The following MYCBP2 variants were observed in gnomAD, a reference collection of about 807,000 sequenced individuals.
MYCBP2 encodes MYC binding protein 2.
A neutral mutation model predicts 525.3 loss-of-function variants in MYCBP2; 120 were observed. That is an observed-to-expected ratio of 0.23 (90% confidence interval 0.20 to 0.27). The LOEUF is 0.27. Ranked by LOEUF, MYCBP2 falls within the 10% of genes least tolerant of loss-of-function variation. The pLI, the probability that MYCBP2 is intolerant of heterozygous loss-of-function variation, is 1.00. For synonymous variants in MYCBP2, 1,894 were observed against 1,955.8 expected (o/e 0.97, Z 0.83); for missense variants, 4,149 against 5,657.1 (o/e 0.73, Z 8.55).
intron 55 of MYCBP2, among the ~76,000 whole-genome samples, chr13:77,104,397 A>G (rs73239467): frequency 0.034 from 5,154 of 152,210 alleles, 105 homozygotes; most frequent in Middle Eastern, 0.085. Flanking sequence ...CAAAGTCCCT[A>G]TTCTCACAGA....
chr13:77,257,866 A>G, intron 13 of MYCBP2, 37 bp from the exon 14 acceptor site: 2 of 1,562,236 alleles, frequency 1.3e-6, no homozygotes, highest in South Asian at 2.4e-5. Flanking sequence ...AAACAACAAA[A>G]AGGCCCTTCT....
intron 1 of MYCBP2, among the ~76,000 whole-genome samples, chr13:77,325,405 G>A (rs2082167454): frequency 1.3e-5 from 2 of 152,172 alleles, no homozygotes; most frequent in South Asian, 4.1e-4. Context: ...CAAAGCTGGT[G>A]AAACAAGTCA....
intron 4 of MYCBP2, among the ~76,000 whole-genome samples, chr13:77,275,378 G>C (rs998638181): frequency 6.6e-6 from 1 of 152,082 alleles, no homozygotes; most frequent in Non-Finnish European, 1.5e-5. Context: ...CCACATTCTA[G>C]CCATATTGCT....
chr13:77,268,079 TATA>T, intron 7 of MYCBP2, 142 bp from the exon 8 acceptor site: 2 of 585,710 alleles, frequency 3.4e-6, no homozygotes, highest in Non-Finnish European at 6.0e-6. Flanking sequence ...TGATTAAAAA[TATA>T]AGAACATTCC....
chr13:77,079,605 A>C (rs547254506), intron 65 of MYCBP2, among the ~76,000 whole-genome samples: 1 of 152,304 alleles, frequency 6.6e-6, no homozygotes, highest in East Asian at 1.9e-4. Context: ...AGGAACATGG[A>C]GGTACATAAC....
chr13:77,179,202 A>T (rs74098714), intron 34 of MYCBP2, among the ~76,000 whole-genome samples: 3,545 of 152,274 alleles, frequency 0.023, 135 homozygotes, highest in African/African-American at 0.08. Flanking sequence ...TAAATTTTTT[A>T]AAAAAAGCAA....
chr13:77,093,094 C>T, intron 59 of MYCBP2, 71 bp downstream of exon 59: 1 of 1,435,132 alleles, frequency 7.0e-7, no homozygotes, highest in Non-Finnish European at 9.4e-7. Context: ...TTCTACAGGA[C>T]TCTTTTCTAG....
chr13:77,311,582 T>G (rs1295118874), intron 1 of MYCBP2, among the ~76,000 whole-genome samples: 1 of 149,470 alleles, frequency 6.7e-6, no homozygotes, highest in African/African-American at 2.5e-5. Flanking sequence ...TTTTTTTGTT[T>G]TTTTTTTAAA....
intron 15 of MYCBP2, among the ~76,000 whole-genome samples, chr13:77,249,669 A>G (rs1419304910): frequency 1.3e-5 from 2 of 152,148 alleles, no homozygotes; most frequent in Non-Finnish European, 2.9e-5. Flanking sequence ...TGCTGGGATT[A>G]CAGACATGGG....
intron 1 of MYCBP2, among the ~76,000 whole-genome samples, chr13:77,311,296 TTATA>T (rs1368405775): frequency 1.3e-5 from 2 of 152,182 alleles, no homozygotes. Context: ...CTCCAGAGAA[TTATA>T]ATAAACCCTA....
In MYCBP2 at chr13:77,233,162, G is replaced by C; in HGVS notation, c.2731C>G (p.His911Asp). The change falls in exon 18 of 83, where the codon CAC becomes GAC. Residue 911 changes from histidine (H) to aspartate (D), a missense_variant. By Grantham distance (81) the His-to-Asp change is moderately conservative (BLOSUM62 -1). Transcript: ENST00000544440. ...GATAAGGAAGACCAAATACCTTTGT[G>C]CTTGTCCCGTTTATGCTTTAGCTGT... ...PAQLKHKRDK[H>D]KDGSGERGEK... 16 of 1,613,246 alleles carry C rather than the reference G, an allele frequency of 9.9e-6. No individual in the cohort carries two copies. Among genetic ancestry groups the C allele is most frequent in the Non-Finnish European group, 1.3e-5 (15 of 1,179,370 alleles).
chr13:77,185,976 A>G lies in MYCBP2; in HGVS notation c.4339T>C (p.Phe1447Leu). ...GVEELRGLKG[F>L]QFTATLLDLE... ...TCTAGGAGTGTAGCTGTGAACTGGA[A>G]TCCTTTTAATCCTCTAAGTTCTTCA... The change falls in exon 31 of 83, where the codon TTC (phenylalanine) becomes CTC (leucine). Residue 1447 changes from phenylalanine (F) to leucine (L), a missense_variant. Coordinates refer to ENST00000544440, the MANE Select transcript of MYCBP2 (RefSeq NM_015057.5). The G allele has an allele frequency of 6.2e-7, 1 of 1,613,874 alleles. No homozygotes were observed. Among genetic ancestry groups the G allele is most frequent in the South Asian group, 1.1e-5 (1 of 91,046 alleles).
intron 23 of MYCBP2, among the ~76,000 whole-genome samples, chr13:77,210,680 T>C (rs1296458460): frequency 6.6e-6 from 1 of 152,216 alleles, no homozygotes; most frequent in African/African-American, 2.4e-5. Context: ...TTTATTGTCT[T>C]TGGCATAATT....
At chr13:77,288,905 C>T (rs1391601506) in intron 2 of MYCBP2, among the ~76,000 whole-genome samples, 1 of 152,164 alleles carries the variant, frequency 6.6e-6, no homozygotes, top group Non-Finnish European at 1.5e-5. Flanking sequence ...AGATGCTTCC[C>T]TAAGCTCTCT....
At chr13:77,068,902 C>A in intron 69 of MYCBP2, 71 bp from the exon 70 acceptor site, 1 of 1,423,218 alleles carries the variant, frequency 7.0e-7, no homozygotes, top group East Asian at 2.3e-5. Context: ...GCAAAACAAG[C>A]AAACAAAAGA....
At position 77,077,178 on chromosome 13, in the gene MYCBP2, A is replaced by C. The variant is rs929467801; in HGVS notation, c.11694T>G (p.Thr3898=). 1 of 1,614,026 alleles carries C rather than the reference A, an allele frequency of 6.2e-7. No individual in the cohort carries two copies. The highest frequency in any genetic ancestry group is 8.5e-7 in the Non-Finnish European group (1 of 1,179,952). The change falls in exon 67 of 83, where the codon ACT becomes ACG. Residue 3898 remains threonine (T), a synonymous_variant. Coordinates refer to ENST00000544440, the MANE Select transcript of MYCBP2 (RefSeq NM_015057.5). ...ACGTAATCAGTCTGAATACTCGCAG[A>C]GTCTCAGCTTCACAGTTCCTCTGCT... ...VAQQRNCEAE[T]LRVFRLITSQ... is the part of the protein sequence containing the mutation.
intron 13 of MYCBP2, among the ~76,000 whole-genome samples, chr13:77,258,789 G>A (rs2072703749): frequency 6.6e-6 from 1 of 152,130 alleles, no homozygotes; most frequent in African/African-American, 2.4e-5. Context: ...CTTACATGAT[G>A]TGCTAAGCAT....
chr13:77,105,551 A>T (rs2047720241), intron 55 of MYCBP2, among the ~76,000 whole-genome samples: 1 of 152,082 alleles, frequency 6.6e-6, no homozygotes, highest in South Asian at 2.1e-4. Flanking sequence ...ATTTTTATAA[A>T]GATTTATACT....
intron 46 of MYCBP2, among the ~76,000 whole-genome samples, chr13:77,151,866 C>T (rs2154194504): frequency 6.6e-6 from 1 of 152,202 alleles, no homozygotes; most frequent in Non-Finnish European, 1.5e-5. Context: ...GGCAGAAAAA[C>T]ACTTGACCCC....
Sources: allele counts gnomAD v4.1 joint callset (sites outside exome capture counted in the v4.1 genomes callset), GRCh38; gene constraint gnomAD v4.1.1; transcripts MANE v1.5; gene names NCBI Gene and HGNC (gene_info 2026-07-23, HGNC 2026-07-21).